TAOK3: variants seen among roughly 807,000 people sequenced by gnomAD.
TAOK3 encodes serine/threonine-protein kinase TAO3.
Under a neutral mutation model 120.4 loss-of-function variants are expected in TAOK3, and 40 were observed. That is an observed-to-expected ratio of 0.33 (90% CI 0.26 to 0.43). The LOEUF (loss-of-function observed/expected upper bound fraction) is 0.43. Ranked by LOEUF, TAOK3 falls within the 20% of genes least tolerant of loss-of-function variation. The pLI, the probability that TAOK3 is intolerant of heterozygous loss-of-function variation, is 1.00. For synonymous variants in TAOK3, 355 were observed against 387.5 expected (o/e 0.92, Z 0.99); for missense variants, 821 against 1,112.1 (o/e 0.74, Z 3.72).
chr12:118,271,758 C>T (rs2041707891), intron 1 of TAOK3, among the ~76,000 whole-genome samples: 1 of 152,216 alleles, frequency 6.6e-6, no homozygotes, highest in Non-Finnish European at 1.5e-5. Context: ...ATGAAATCAC[C>T]TTCCCTGTTC....
chr12:118,298,243 A>C (rs748227941), intron 1 of TAOK3, among the ~76,000 whole-genome samples: 1 of 152,214 alleles, frequency 6.6e-6, no homozygotes, highest in Non-Finnish European at 1.5e-5. Context: ...ACAAATCAGA[A>C]GTTCTCAGAC....
rs182375782 is a variant in TAOK3, at chr12:118,233,381, A to G, written c.643+293T>C. 9.2e-4 allele frequency among the ~76,000 whole-genome samples: 140 copies of G among 152,126 alleles called. 2 individuals are homozygous for G. Among genetic ancestry groups the G allele is most frequent in the African/African-American group, 3.3e-3 (136 of 41,538 alleles). Reference sequence around the variant, plus strand: ...ACAAACCTGCACATTGTGCACATGTACCCTAAAACTTAAAGTGTAATAATA... The same window carrying G: ...ACAAACCTGCACATTGTGCACATGTGCCCTAAAACTTAAAGTGTAATAATA... On this transcript the variant is annotated intron_variant, in intron 9 of 20. Coordinates refer to ENST00000392533, the MANE Select transcript of TAOK3 (RefSeq NM_016281.4).
chr12:118,240,653 C>T (rs957163294), intron 5 of TAOK3, among the ~76,000 whole-genome samples: 1 of 152,032 alleles, frequency 6.6e-6, no homozygotes, highest in Non-Finnish European at 1.5e-5. Flanking sequence ...CCTTCTTATC[C>T]TAGATTTTTA....
chr12:118,180,411 T>G (rs75938333), intron 15 of TAOK3, among the ~76,000 whole-genome samples: 2,901 of 152,022 alleles, frequency 0.019, 97 homozygotes, highest in African/African-American at 0.066. Flanking sequence ...CAGCTAACTT[T>G]TGTATTTTTT....
At chr12:118,338,055 A>G (rs534556990) in intron 1 of TAOK3, among the ~76,000 whole-genome samples, 13 of 152,360 alleles carry the variant, frequency 8.5e-5, no homozygotes, top group Admixed American at 7.8e-4. Flanking sequence ...GTGTAAATCT[A>G]CAATTATTTC....
At chr12:118,253,755 CAAAA>C (rs11299995) in intron 3 of TAOK3, among the ~76,000 whole-genome samples, 3 of 146,092 alleles carry the variant, frequency 2.1e-5, no homozygotes, top group Non-Finnish European at 4.5e-5. Context: ...AACAAACAAA[CAAAA>C]AAAAAAAAAC....
chr12:118,291,030 A>G (rs1393834835), intron 1 of TAOK3, among the ~76,000 whole-genome samples: 5 of 133,002 alleles, frequency 3.8e-5, no homozygotes, highest in Non-Finnish European at 8.0e-5. Flanking sequence ...TAATTTTTGT[A>G]TTTTTAGTAG....
chr12:118,173,510 G>T (rs2036134182), intron 16 of TAOK3, among the ~76,000 whole-genome samples: 1 of 152,182 alleles, frequency 6.6e-6, no homozygotes, highest in African/African-American at 2.4e-5. Flanking sequence ...CAAGAGAGAT[G>T]GTAGTAGCTT....
intron 9 of TAOK3, 181 bp from the exon 10 acceptor site, chr12:118,214,291 C>T (rs571521546): frequency 5.8e-6 from 3 of 521,600 alleles, no homozygotes; most frequent in East Asian, 3.6e-5. Flanking sequence ...AAGAAGCTGC[C>T]GGACATTAAA....
At chr12:118,164,608 G>A (rs951185319) in intron 17 of TAOK3, among the ~76,000 whole-genome samples, 1 of 151,822 alleles carries the variant, frequency 6.6e-6, no homozygotes, top group Non-Finnish European at 1.5e-5. Context: ...AGTATAGATG[G>A]GGTTTCACCA....
At chr12:118,198,298 T>C (rs1383821228) in intron 13 of TAOK3, 1 of 152,208 alleles carries the variant, frequency 6.6e-6, no homozygotes, top group Non-Finnish European at 1.5e-5. Flanking sequence ...AATTTCTGCT[T>C]AAATGTCACC....
intron 1 of TAOK3, among the ~76,000 whole-genome samples, chr12:118,339,764 T>A (rs1010911036): frequency 2.3e-4 from 35 of 152,098 alleles, no homozygotes; most frequent in Non-Finnish European, 4.1e-4. Flanking sequence ...TTTCACCATG[T>A]TGGCCAGGAT....
chr12:118,260,602 G>T (rs1165375480), intron 2 of TAOK3, among the ~76,000 whole-genome samples: 1 of 152,114 alleles, frequency 6.6e-6, no homozygotes, highest in Non-Finnish European at 1.5e-5. Context: ...ATTGAAAAGG[G>T]TGGAGAAAAT....
At chr12:118,181,219 C>G in intron 15 of TAOK3, 152 bp downstream of exon 15, 2 of 655,346 alleles carry the variant, frequency 3.1e-6, no homozygotes, top group South Asian at 3.6e-5. Flanking sequence ...GACAATTTTA[C>G]ATAGCCCTAT....
At chr12:118,251,315 T>C (rs572513267) in intron 3 of TAOK3, among the ~76,000 whole-genome samples, 2 of 152,202 alleles carry the variant, frequency 1.3e-5, no homozygotes, top group African/African-American at 4.8e-5. Flanking sequence ...AACAGGAAAA[T>C]CCATTTTTAA....
intron 2 of TAOK3, among the ~76,000 whole-genome samples, chr12:118,260,357 C>T (rs78530401): frequency 6.6e-6 from 1 of 152,078 alleles, no homozygotes; most frequent in Non-Finnish European, 1.5e-5. Context: ...TAACTGTGTT[C>T]CAGAACAAAG....
intron 1 of TAOK3, among the ~76,000 whole-genome samples, chr12:118,369,256 G>A (rs934866761): frequency 2.0e-5 from 3 of 152,042 alleles, no homozygotes; most frequent in Non-Finnish European, 4.4e-5. Flanking sequence ...ATAGCTTCTC[G>A]TAGTATAGTT....
intron 17 of TAOK3, among the ~76,000 whole-genome samples, chr12:118,167,898 T>C (rs1465041436): frequency 6.6e-6 from 1 of 152,180 alleles, no homozygotes; most frequent in Non-Finnish European, 1.5e-5. Flanking sequence ...TGGAAGTTGC[T>C]TTACCAGCGT....
chr12:118,179,928 G>A (rs892556836), intron 15 of TAOK3, among the ~76,000 whole-genome samples: 2 of 144,698 alleles, frequency 1.4e-5, no homozygotes, highest in Admixed American at 7.0e-5. Flanking sequence ...TTACAGGCAT[G>A]AGCCACCATG....
Sources: allele counts gnomAD v4.1 joint callset (sites outside exome capture counted in the v4.1 genomes callset), GRCh38; gene constraint gnomAD v4.1.1; transcripts MANE v1.5; gene names NCBI Gene and HGNC (gene_info 2026-07-23, HGNC 2026-07-21).